Variants in THUMPD2 observed in about 807,000 individuals in gnomAD.
THUMPD2 encodes U6 snRNA (guanine-N(2))-methyltransferase THUMPD2.
In THUMPD2, 56 loss-of-function variants were observed where a neutral mutation model predicts 49.4. The ratio of observed to expected loss-of-function variants is 1.13; its 90% CI spans 0.91 to 1.41. The LOEUF is 1.41. THUMPD2 is among the 40% of genes most tolerant of loss of function. The probability of loss-of-function intolerance (pLI) is 0.00; values close to 1 mark genes in which losing one functional copy is unlikely to be tolerated. For missense variants in THUMPD2, 709 were observed against 594.5 expected, an observed-to-expected ratio of 1.19 and a Z score of -2.00; for synonymous variants, 237 against 205.2, an observed-to-expected ratio of 1.15 and a Z score of -1.32.
chr2:39,743,392 C>T (rs941752748), intron 9 of THUMPD2, among the ~76,000 whole-genome samples: 1 of 152,172 alleles, frequency 6.6e-6, no homozygotes, highest in African/African-American at 2.4e-5. Flanking sequence ...GAATTATATT[C>T]CCTTAGGTCA....
At chr2:39,775,184 T>A (rs990513009) in intron 1 of THUMPD2, among the ~76,000 whole-genome samples, 3 of 151,830 alleles carry the variant, frequency 2.0e-5, no homozygotes, top group Non-Finnish European at 4.4e-5. Flanking sequence ...AAGGGTAAGG[T>A]GGGAGGATTG....
intron 6 of THUMPD2, among the ~76,000 whole-genome samples, chr2:39,758,630 C>T (rs935608174): frequency 6.6e-6 from 1 of 152,174 alleles, no homozygotes; most frequent in Admixed American, 6.5e-5. Flanking sequence ...GCAGGACTGA[C>T]AGATTCTCTT....
intron 1 of THUMPD2, among the ~76,000 whole-genome samples, chr2:39,776,428 CTG>C (rs1679105336): frequency 6.8e-6 from 1 of 148,146 alleles, no homozygotes; most frequent in Admixed American, 6.8e-5. Context: ...GAGTCTCACT[CTG>C]TCACCCAGGC....
At chr2:39,769,033 A>G (rs1417504264) in intron 3 of THUMPD2, 1 of 1,304,578 alleles carries the variant, frequency 7.7e-7, no homozygotes, top group Non-Finnish European at 1.0e-6. Flanking sequence ...TCTTCTCTAC[A>G]TTGCTGAGAC....
chr2:39,746,322 T>G (rs961954741), intron 8 of THUMPD2, among the ~76,000 whole-genome samples: 9 of 152,156 alleles, frequency 5.9e-5, no homozygotes, highest in Non-Finnish European at 4.4e-5. Context: ...CAAAGTGTGG[T>G]CCCCATAGCA....
At chr2:39,755,211 A>C (rs1675945692) in intron 8 of THUMPD2, 84 bp downstream of exon 8, 2 of 925,494 alleles carry the variant, frequency 2.2e-6, no homozygotes, top group East Asian at 6.3e-5. Context: ...CAACCTTTAC[A>C]TAGTGAGACT....
chr2:39,753,755 T>G (rs1389612127), intron 8 of THUMPD2, among the ~76,000 whole-genome samples: 2 of 152,220 alleles, frequency 1.3e-5, no homozygotes, highest in Non-Finnish European at 2.9e-5. Flanking sequence ...GTCTGCCAGA[T>G]GTATATCTGA....
chr2:39,779,194 C>G lies in THUMPD2; in HGVS notation c.46G>C (p.Ala16Pro), dbSNP rs781392459. 1,169 of 1,517,694 alleles carry G rather than the reference C, an allele frequency of 7.7e-4. 2 individuals carry two copies. Among genetic ancestry groups the G allele is most frequent in the Non-Finnish European group, 9.6e-4 (1,095 of 1,138,466 alleles). 94.0% of individuals were successfully genotyped at this position (1,517,694 alleles called of 1,614,324 possible). The change falls in exon 1 of 10, where the codon GCC becomes CCC. Residue 16 changes from alanine to proline, a missense_variant. By Grantham distance (27) the Ala-to-Pro change is conservative (BLOSUM62 -1). Coordinates refer to ENST00000505747, the MANE Select transcript of THUMPD2 (RefSeq NM_025264.5). ...CGACCCGCAGTGCAGAAGAATCGGG[C>G]GCCAGCCTCAGGCCCGGACCCTGGC... ...GEPGSGPEAG[A>P]RFFCTAGRGL... is the part of the protein sequence containing the mutation.
At chr2:39,764,185 C>A (rs529761355) in intron 5 of THUMPD2, among the ~76,000 whole-genome samples, 4 of 152,330 alleles carry the variant, frequency 2.6e-5, no homozygotes, top group African/African-American at 9.6e-5. Flanking sequence ...TATCACAGAT[C>A]TGTGCTAACA....
intron 8 of THUMPD2, among the ~76,000 whole-genome samples, chr2:39,748,756 G>A (rs1187446855): frequency 6.6e-6 from 1 of 152,048 alleles, no homozygotes; most frequent in Admixed American, 6.6e-5. Context: ...CCGGGAGGCT[G>A]AGCTGGGAGG....
At chr2:39,763,725 T>A (rs1677134010) in intron 5 of THUMPD2, among the ~76,000 whole-genome samples, 1 of 152,172 alleles carries the variant, frequency 6.6e-6, no homozygotes, top group African/African-American at 2.4e-5. Flanking sequence ...TCTGATCACA[T>A]CACTCTTCTG....
Position 39,736,990 on chromosome 2 carries a change from A to G in THUMPD2, c.1257T>C (p.Cys419=). 4 of 1,614,066 alleles carry G rather than the reference A, an allele frequency of 2.5e-6. No homozygotes were observed. The highest frequency in any genetic ancestry group is 3.4e-6 in the Non-Finnish European group (4 of 1,180,010). The change falls in exon 10 of 10, where the codon TGT becomes TGC. Residue 419 remains cysteine (C), a synonymous_variant. Coordinates refer to ENST00000505747, the MANE Select transcript of THUMPD2 (RefSeq NM_025264.5). The stretch of plus-strand genomic sequence containing the variant: ...AATTGAAAGGGATGTTGCTCTCTTT[A>G]CAATCTGTAAGGCGCCTGTGGTGAT... The part of the protein sequence containing the change: ...SEDHHRRLTD[C]KESNIPFNSK...
chr2:39,759,274 T>C (rs1676521790), intron 6 of THUMPD2, among the ~76,000 whole-genome samples: 1 of 151,848 alleles, frequency 6.6e-6, no homozygotes, highest in African/African-American at 2.4e-5. Context: ...TAAATAATAA[T>C]TTTTATAATT....
intron 1 of THUMPD2, among the ~76,000 whole-genome samples, chr2:39,774,670 T>C (rs1678832725): frequency 6.6e-6 from 1 of 152,232 alleles, no homozygotes; most frequent in South Asian, 2.1e-4. Context: ...CAAAAACTGC[T>C]GAAGCTACTA....
intron 1 of THUMPD2, among the ~76,000 whole-genome samples, chr2:39,772,170 CA>C (rs1678417841): frequency 6.6e-6 from 1 of 152,096 alleles, no homozygotes; most frequent in African/African-American, 2.4e-5. Context: ...AGGATTCTAA[CA>C]AAAGAACAAG....
At chr2:39,751,983 T>C (rs1446825991) in intron 8 of THUMPD2, among the ~76,000 whole-genome samples, 1 of 152,092 alleles carries the variant, frequency 6.6e-6, no homozygotes, top group East Asian at 1.9e-4. Flanking sequence ...CCACTGCGCC[T>C]GACTAAGATA....
chr2:39,754,306 G>A (rs1480476443), intron 8 of THUMPD2, among the ~76,000 whole-genome samples: 1 of 152,116 alleles, frequency 6.6e-6, no homozygotes, highest in African/African-American at 2.4e-5. Flanking sequence ...AAAAACCTTG[G>A]CAGAAAGGCT....
Position 39,744,438 on chromosome 2 carries a change from A to G in THUMPD2, c.1119T>C (p.Ser373=). The part of the protein sequence containing the change: ...LPSESVDIII[S]DIPFGKKFKL... ...TAAACTTTTTCCCAAATGGAATGTC[A>G]GAAATAATAATATCAACACTTTCTG... Residue 373 remains serine (S), a synonymous_variant, in exon 9 of 10, where the codon TCT becomes TCC. Transcript: ENST00000505747. 6.3e-7 allele frequency: 1 copy of G among 1,590,248 alleles called. No individual in the cohort carries two copies. Among genetic ancestry groups the G allele is most frequent in the Non-Finnish European group, 8.5e-7 (1 of 1,171,526 alleles).
intron 7 of THUMPD2, 88 bp from the exon 8 acceptor site, chr2:39,755,497 C>G (rs2148261611): frequency 1.2e-6 from 1 of 840,202 alleles, no homozygotes; most frequent in Non-Finnish European, 1.8e-6. Context: ...TCTCAAATGA[C>G]AAGTGAAATT....
Sources: gnomAD v4.1 joint callset for allele counts (sites outside exome capture counted in the v4.1 genomes callset) on GRCh38, gnomAD v4.1.1 for gene constraint, MANE v1.5 for transcripts, NCBI Gene and HGNC (gene_info 2026-07-23, HGNC 2026-07-21) for gene names.